Variants in RBFOX1 observed in about 807,000 individuals in gnomAD.
RBFOX1 encodes RNA binding fox-1 homolog 1.
RBFOX1 carries 8 observed loss-of-function variants against 57.7 expected under a neutral mutation model. The observed-to-expected ratio is 0.14, with a 90% CI of 0.08 to 0.25. The LOEUF (loss-of-function observed/expected upper bound fraction) is 0.25. RBFOX1 is among the 10% of genes least tolerant of loss of function. RBFOX1 has a pLI of 1.00. For missense variants in RBFOX1, 611 were observed against 548.5 expected (o/e 1.11, Z -1.14); for synonymous variants, 326 against 222.4 (o/e 1.47, Z -4.15).
intron 5 of RBFOX1, among the ~76,000 whole-genome samples, chr16:7,561,855 A>G (rs1288222139): frequency 1.3e-5 from 2 of 152,232 alleles, no homozygotes; most frequent in Non-Finnish European, 2.9e-5. Flanking sequence ...CATTTGGTTC[A>G]TTTAAATCTT....
At chr16:6,581,883 A>G (rs1338718963) in intron 2 of RBFOX1, among the ~76,000 whole-genome samples, 1 of 152,344 alleles carries the variant, frequency 6.6e-6, no homozygotes. Flanking sequence ...AGGCATTTCA[A>G]CATGTCAAGG....
intron 3 of RBFOX1, among the ~76,000 whole-genome samples, chr16:5,851,872 CA>C (rs1567624789): frequency 6.6e-6 from 1 of 152,116 alleles, no homozygotes; most frequent in African/African-American, 2.4e-5. Context: ...ATGTCTTGGC[CA>C]GGTGTAGAGA....
chr16:5,915,020 G>A (rs1567142071), intron 4 of RBFOX1, among the ~76,000 whole-genome samples: 1 of 152,214 alleles, frequency 6.6e-6, no homozygotes, highest in Non-Finnish European at 1.5e-5. Context: ...ATGGTGTTGA[G>A]TAGAAGTAAG....
intron 4 of RBFOX1, among the ~76,000 whole-genome samples, chr16:7,250,628 G>A (rs948241679): frequency 1.3e-5 from 2 of 152,192 alleles, no homozygotes; most frequent in Admixed American, 1.3e-4. Flanking sequence ...AGCAGACACT[G>A]AGCAAGCATT....
chr16:7,188,235 C>T (rs1346762806), intron 4 of RBFOX1, among the ~76,000 whole-genome samples: 1 of 152,136 alleles, frequency 6.6e-6, no homozygotes, highest in African/African-American at 2.4e-5. Context: ...GCATAGGCTT[C>T]TTGAAATAGT....
At chr16:6,524,048 A>T (rs1028769120) in intron 2 of RBFOX1, among the ~76,000 whole-genome samples, 9 of 152,172 alleles carry the variant, frequency 5.9e-5, no homozygotes, top group African/African-American at 2.2e-4. Context: ...CAGGTAAGTT[A>T]TTATTGAGTA....
At chr16:6,034,795 C>A (rs979817484) in intron 1 of RBFOX1, among the ~76,000 whole-genome samples, 1 of 151,054 alleles carries the variant, frequency 6.6e-6, no homozygotes, top group Non-Finnish European at 1.5e-5. Flanking sequence ...CTCATAACAA[C>A]CCTGTGGAGT....
At chr16:5,529,932 T>G (rs981369160) in intron 2 of RBFOX1, among the ~76,000 whole-genome samples, 1 of 152,188 alleles carries the variant, frequency 6.6e-6, no homozygotes, top group Non-Finnish European at 1.5e-5. Flanking sequence ...GCTGGAGTTA[T>G]GCTGCCACAA....
At chr16:5,763,738 C>T (rs954332094) in intron 3 of RBFOX1, among the ~76,000 whole-genome samples, 1 of 152,204 alleles carries the variant, frequency 6.6e-6, no homozygotes, top group African/African-American at 2.4e-5. Context: ...ACTGTGGTAA[C>T]TCGGTTGCAC....
At chr16:7,582,607 C>CTT (rs2152857514) in intron 6 of RBFOX1, among the ~76,000 whole-genome samples, 1 of 152,278 alleles carries the variant, frequency 6.6e-6, no homozygotes, top group South Asian at 2.1e-4. Context: ...TGCACTGGAG[C>CTT]TTAGGGAATT....
At chr16:6,345,325 C>G (rs866264183) in intron 2 of RBFOX1, among the ~76,000 whole-genome samples, 1 of 152,162 alleles carries the variant, frequency 6.6e-6, no homozygotes, top group African/African-American at 2.4e-5. Context: ...GGCAGTGTGC[C>G]CAGAGGCAGT....
At chr16:6,586,386 A>G (rs34977564) in intron 2 of RBFOX1, among the ~76,000 whole-genome samples, 4 of 152,046 alleles carry the variant, frequency 2.6e-5, no homozygotes, top group Admixed American at 1.3e-4. Flanking sequence ...GTAGTAATCT[A>G]TCTCCAGTGC....
At chr16:7,520,416 G>C (rs954458035) in intron 5 of RBFOX1, among the ~76,000 whole-genome samples, 1 of 152,096 alleles carries the variant, frequency 6.6e-6, no homozygotes, top group African/African-American at 2.4e-5. Context: ...CCACTAAGCA[G>C]ACACTCCCCA....
chr16:5,594,755 C>G (rs2047125698), intron 2 of RBFOX1, among the ~76,000 whole-genome samples: 1 of 152,080 alleles, frequency 6.6e-6, no homozygotes, highest in South Asian at 2.1e-4. Context: ...CAGTTCCTAG[C>G]TTGACTTTTC....
chr16:6,378,552 G>A (rs111996714), intron 2 of RBFOX1, among the ~76,000 whole-genome samples: 229 of 152,254 alleles, frequency 1.5e-3, no homozygotes, highest in African/African-American at 5.3e-3. Context: ...CTGGTGGAGT[G>A]GGAGTGTGCA....
chr16:6,032,311 T>G (rs1225877927), intron 1 of RBFOX1, among the ~76,000 whole-genome samples: 2 of 152,100 alleles, frequency 1.3e-5, no homozygotes, highest in Non-Finnish European at 2.9e-5. Flanking sequence ...AATTGCCACT[T>G]AAAAAAATAA....
chr16:6,579,560 T>C (rs893004330), intron 2 of RBFOX1, among the ~76,000 whole-genome samples: 2 of 152,150 alleles, frequency 1.3e-5, no homozygotes, highest in African/African-American at 2.4e-5. Flanking sequence ...CCTCCTTTGC[T>C]CTGCACTTTT....
intron 4 of RBFOX1, among the ~76,000 whole-genome samples, chr16:7,192,226 A>G (rs2085573909): frequency 6.6e-6 from 1 of 152,178 alleles, no homozygotes; most frequent in East Asian, 1.9e-4. Context: ...CTGGCATTTT[A>G]TTGTTTTAGC....
chr16:6,579,330 A>C (rs894519171), intron 2 of RBFOX1, among the ~76,000 whole-genome samples: 2 of 151,976 alleles, frequency 1.3e-5, no homozygotes, highest in Admixed American at 1.3e-4. Flanking sequence ...CGGTCTCTTG[A>C]GTAGCTGGGA....
Sources: gnomAD v4.1 joint callset for allele counts (sites outside exome capture counted in the v4.1 genomes callset) on GRCh38, gnomAD v4.1.1 for gene constraint, MANE v1.5 for transcripts, NCBI Gene and HGNC (gene_info 2026-07-23, HGNC 2026-07-21) for gene names.